The following SGMS1 variants were observed in gnomAD, a reference collection of about 807,000 sequenced individuals.
SGMS1 encodes sphingomyelin synthase 1.
A neutral mutation model predicts 46.2 loss-of-function variants in SGMS1; 13 were observed. The ratio of observed to expected loss-of-function variants is 0.28; its 90% CI spans 0.18 to 0.45. SGMS1 has a LOEUF of 0.45. Ranked by LOEUF, SGMS1 falls within the 20% of genes least tolerant of loss-of-function variation. The pLI is 1.00. For missense variants in SGMS1, 324 were observed against 519.9 expected (o/e 0.62, Z 3.66); for synonymous variants, 203 against 187.8 (o/e 1.08, Z -0.66).
chr10:50,372,412 G>A (rs897884320), intron 6 of SGMS1, among the ~76,000 whole-genome samples: 3 of 152,024 alleles, frequency 2.0e-5, no homozygotes, highest in Non-Finnish European at 4.4e-5. Flanking sequence ...CAGCTAATAG[G>A]CCGGGCACAC....
chr10:50,542,169 C>T (rs868783319), intron 2 of SGMS1, among the ~76,000 whole-genome samples: 101 of 152,198 alleles, frequency 6.6e-4, no homozygotes, highest in African/African-American at 2.3e-3. Context: ...AACACAGTCA[C>T]ACTCTGTGAC....
intron 9 of SGMS1, among the ~76,000 whole-genome samples, chr10:50,310,208 T>C (rs1217081442): frequency 2.0e-5 from 3 of 152,048 alleles, no homozygotes; most frequent in African/African-American, 2.4e-5. Context: ...TTCCAGAGAG[T>C]ACCACATGCT....
chr10:50,497,466 T>C (rs930770842), intron 3 of SGMS1, among the ~76,000 whole-genome samples: 2 of 152,336 alleles, frequency 1.3e-5, no homozygotes, highest in Admixed American at 1.3e-4. Context: ...AGTGAGATTA[T>C]GCAAGAGAAG....
chr10:50,494,652 A>T (rs1189046895), intron 3 of SGMS1, among the ~76,000 whole-genome samples: 1 of 152,166 alleles, frequency 6.6e-6, no homozygotes, highest in African/African-American at 2.4e-5. Flanking sequence ...AGGAGGGAAA[A>T]GATTAGGAAA....
intron 3 of SGMS1, among the ~76,000 whole-genome samples, chr10:50,497,013 C>T (rs1359636763): frequency 6.6e-6 from 1 of 152,198 alleles, no homozygotes; most frequent in Admixed American, 6.5e-5. Flanking sequence ...TAAAAGTGAT[C>T]TTAAAAGGGG....
At chr10:50,494,829 G>A (rs948214522) in intron 3 of SGMS1, among the ~76,000 whole-genome samples, 5 of 152,004 alleles carry the variant, frequency 3.3e-5, no homozygotes, top group South Asian at 4.1e-4. Flanking sequence ...GAGGTCGGGA[G>A]ATCGAGACCA....
intron 2 of SGMS1, among the ~76,000 whole-genome samples, chr10:50,567,830 T>C (rs984135775): frequency 3.3e-5 from 5 of 152,224 alleles, no homozygotes; most frequent in African/African-American, 1.2e-4. Flanking sequence ...GGAAAAGATA[T>C]CCCTTCCTGC....
intron 5 of SGMS1, among the ~76,000 whole-genome samples, chr10:50,438,388 G>A (rs1849501399): frequency 1.3e-5 from 2 of 152,234 alleles, no homozygotes; most frequent in South Asian, 2.1e-4. Context: ...AGAGCCCCAT[G>A]AGGACAACCT....
chr10:50,414,833 C>T (rs1269122736), intron 6 of SGMS1, among the ~76,000 whole-genome samples: 4 of 152,160 alleles, frequency 2.6e-5, no homozygotes, highest in African/African-American at 7.2e-5. Flanking sequence ...CTTTCTCAAG[C>T]GACACTATCG....
chr10:50,358,943 A>G (rs903426772), intron 6 of SGMS1, among the ~76,000 whole-genome samples: 1 of 152,240 alleles, frequency 6.6e-6, no homozygotes, highest in Non-Finnish European at 1.5e-5. Flanking sequence ...GGACCTACAC[A>G]TTTATTTCAG....
rs1347022583 is a variant in SGMS1 at position 50,573,748 on chromosome 10, AT to A, written c.-589+16404del. Among the ~76,000 whole-genome samples, 29 of 152,334 alleles carry A rather than the reference AT, an allele frequency of 1.9e-4. 1 individual carries two copies. In the South Asian group the frequency reaches 3.7e-3, roughly 20 times the overall value. ...AGAAAAACAAAGAACAAAGCTGGAA[AT>A]ATCACACTTCCTGATCTCAAAATAT... On this transcript the variant is annotated intron_variant, in intron 2 of 10. Transcript: ENST00000361781.
intron 6 of SGMS1, among the ~76,000 whole-genome samples, chr10:50,419,280 C>T: frequency 6.6e-6 from 1 of 152,188 alleles, no homozygotes; most frequent in East Asian, 1.9e-4. Flanking sequence ...CCTCTGAGTC[C>T]TGAATCCGAA....
At chr10:50,318,914 C>A (rs1438938971) in intron 8 of SGMS1, among the ~76,000 whole-genome samples, 1 of 152,110 alleles carries the variant, frequency 6.6e-6, no homozygotes, top group Admixed American at 6.5e-5. Context: ...CTCCCACCAG[C>A]CCCTCCTTCC....
At chr10:50,429,311 T>C (rs1849368972) in intron 6 of SGMS1, among the ~76,000 whole-genome samples, 1 of 152,214 alleles carries the variant, frequency 6.6e-6, no homozygotes, top group Non-Finnish European at 1.5e-5. Context: ...ACCATTTGGT[T>C]ACAAGTGCCT....
At chr10:50,566,254 A>G (rs1838287015) in intron 2 of SGMS1, among the ~76,000 whole-genome samples, 1 of 152,218 alleles carries the variant, frequency 6.6e-6, no homozygotes, top group Admixed American at 6.5e-5. Flanking sequence ...TTATACTGCA[A>G]AAGTAAAATT....
chr10:50,582,083 T>C (rs1838440200), intron 2 of SGMS1, among the ~76,000 whole-genome samples: 1 of 152,224 alleles, frequency 6.6e-6, no homozygotes, highest in Non-Finnish European at 1.5e-5. Flanking sequence ...GCAAGCACTA[T>C]TTTTCCTCAA....
chr10:50,578,986 C>A (rs1296316600), intron 2 of SGMS1, among the ~76,000 whole-genome samples: 1 of 151,940 alleles, frequency 6.6e-6, no homozygotes, highest in African/African-American at 2.4e-5. Context: ...AAGAAAATAT[C>A]TAACATGAAA....
intron 2 of SGMS1, among the ~76,000 whole-genome samples, chr10:50,564,792 GTTTTT>G (rs142564765): frequency 1.3e-5 from 2 of 150,904 alleles, no homozygotes; most frequent in Admixed American, 6.6e-5. Flanking sequence ...TATTTTTTAA[GTTTTT>G]TTTTCTTTTA....
intron 6 of SGMS1, among the ~76,000 whole-genome samples, chr10:50,419,148 G>A (rs1849222107): frequency 6.6e-6 from 1 of 151,894 alleles, no homozygotes; most frequent in South Asian, 2.1e-4. Flanking sequence ...ATCCACTGGG[G>A]GCTTTGGAAC....
Sources: allele counts gnomAD v4.1 joint callset (sites outside exome capture counted in the v4.1 genomes callset), GRCh38; gene constraint gnomAD v4.1.1; transcripts MANE v1.5; gene names NCBI Gene and HGNC (gene_info 2026-07-23, HGNC 2026-07-21).